Variants in AGBL4 observed in about 807,000 individuals in gnomAD.
AGBL4 encodes cytosolic carboxypeptidase 6.
In AGBL4, 58 loss-of-function variants were observed where a neutral mutation model predicts 66.4. The ratio of observed to expected loss-of-function variants is 0.87; its 90% confidence interval spans 0.71 to 1.09. The LOEUF (loss-of-function observed/expected upper bound fraction) is 1.09. Among genes scored for constraint, AGBL4 ranks in the 50% least tolerant of loss-of-function variants. The pLI is 0.00. For missense variants in AGBL4, 579 were observed against 631.0 expected (o/e 0.92, Z 0.88); for synonymous variants, 234 against 222.9 (o/e 1.05, Z -0.44).
chr1:49,247,589 T>G (rs1287814369), intron 3 of AGBL4, among the ~76,000 whole-genome samples: 3 of 152,124 alleles, frequency 2.0e-5, no homozygotes, highest in Non-Finnish European at 2.9e-5. Context: ...CCCCCCCTTT[T>G]TTTTCTGAGA....
chr1:48,838,965 C>A (rs1270260317), intron 6 of AGBL4, among the ~76,000 whole-genome samples: 2 of 151,912 alleles, frequency 1.3e-5, no homozygotes, highest in African/African-American at 2.4e-5. Flanking sequence ...CAAATCAAAG[C>A]CACAATGAGG....
Position 48,882,556 on chromosome 1 carries a change from C to T in AGBL4, c.595-15326G>A, listed in dbSNP as rs770165522. ...AAGAATATATCTTGAATGTCCTTACCACAAAAAAAGTAAGTATGTGAGAGA... is the reference window on the plus strand; with the variant it reads ...AAGAATATATCTTGAATGTCCTTACTACAAAAAAAGTAAGTATGTGAGAGA... On this transcript the variant is annotated intron_variant, in intron 5 of 13. Transcript: ENST00000371839. Among the ~76,000 whole-genome samples, 4 of 151,878 alleles carry T rather than the reference C, an allele frequency of 2.6e-5. No homozygotes were observed. The South Asian group carries it at 8.3e-4, about 32-fold the overall frequency.
chr1:50,014,366 C>T (rs1311768957), intron 1 of AGBL4, among the ~76,000 whole-genome samples: 2 of 145,004 alleles, frequency 1.4e-5, no homozygotes, highest in Non-Finnish European at 3.0e-5. Context: ...GACTTTGTCT[C>T]GAAAAAAAAA....
chr1:49,192,161 G>A (rs1255651386), intron 4 of AGBL4, among the ~76,000 whole-genome samples: 2 of 152,182 alleles, frequency 1.3e-5, no homozygotes, highest in Non-Finnish European at 2.9e-5. Context: ...TAATTGGGAT[G>A]AGATGGTATC....
intron 3 of AGBL4, among the ~76,000 whole-genome samples, chr1:49,667,941 G>A (rs755438075): frequency 1.4e-4 from 21 of 152,106 alleles, no homozygotes; most frequent in Non-Finnish European, 2.6e-4. Flanking sequence ...CTGATCATCA[G>A]TTTCTTTATG....
intron 3 of AGBL4, among the ~76,000 whole-genome samples, chr1:49,460,073 T>C (rs778099306): frequency 4.0e-5 from 6 of 151,734 alleles, no homozygotes; most frequent in East Asian, 1.9e-4. Flanking sequence ...TGCTGATTAA[T>C]AGAATGTGTA....
Position 49,196,707 on chromosome 1 carries a change from G to C in AGBL4, c.377+49063C>G, listed in dbSNP as rs967560838. 5.3e-5 allele frequency among the ~76,000 whole-genome samples: 8 copies of C among 150,320 alleles called. No individual in the cohort carries two copies. In the South Asian group the frequency reaches 8.4e-4, roughly 16 times the overall value. Reference sequence around the variant, plus strand: ...TAACTGAAGAAATCATAACTATATAGCTTCTTATTTTTGAATTTACTTTTG... The same window carrying C: ...TAACTGAAGAAATCATAACTATATACCTTCTTATTTTTGAATTTACTTTTG... On this transcript the variant is annotated intron_variant, in intron 4 of 13. Coordinates refer to ENST00000371839, the MANE Select transcript of AGBL4 (RefSeq NM_032785.4).
intron 4 of AGBL4, among the ~76,000 whole-genome samples, chr1:49,139,275 C>A (rs1306413461): frequency 2.6e-5 from 4 of 152,138 alleles, no homozygotes; most frequent in Non-Finnish European, 5.9e-5. Context: ...ATAATTCAGG[C>A]AAACCTCACA....
At chr1:49,788,655 G>A (rs887703990) in intron 2 of AGBL4, among the ~76,000 whole-genome samples, 1 of 152,036 alleles carries the variant, frequency 6.6e-6, no homozygotes, top group Non-Finnish European at 1.5e-5. Context: ...GAAATGGGCT[G>A]AAAAACAGAT....
At chr1:48,851,858 C>G (rs769129434) in intron 6 of AGBL4, among the ~76,000 whole-genome samples, 2 of 151,636 alleles carry the variant, frequency 1.3e-5, no homozygotes, top group Admixed American at 6.6e-5. Flanking sequence ...AAACATAGAG[C>G]CTATTGGCAT....
intron 4 of AGBL4, among the ~76,000 whole-genome samples, chr1:49,183,094 A>G (rs1646956938): frequency 6.6e-6 from 1 of 152,164 alleles, no homozygotes; most frequent in African/African-American, 2.4e-5. Flanking sequence ...AATCAAATGT[A>G]GTGAGTGATT....
intron 3 of AGBL4, among the ~76,000 whole-genome samples, chr1:49,447,607 T>C (rs928608919): frequency 3.3e-5 from 5 of 152,172 alleles, no homozygotes; most frequent in Non-Finnish European, 7.3e-5. Context: ...TGCAATGCTC[T>C]TGAGGAGTCT....
intron 6 of AGBL4, among the ~76,000 whole-genome samples, chr1:48,810,029 T>C (rs1258830808): frequency 6.6e-6 from 1 of 152,184 alleles, no homozygotes; most frequent in Non-Finnish European, 1.5e-5. Context: ...CTTCAAAATT[T>C]TGTGGTGTGA....
chr1:49,905,302 T>C (rs1650165790), intron 1 of AGBL4, among the ~76,000 whole-genome samples: 1 of 152,146 alleles, frequency 6.6e-6, no homozygotes, highest in South Asian at 2.1e-4. Flanking sequence ...AGATCATAAA[T>C]ACATTTCATC....
intron 3 of AGBL4, among the ~76,000 whole-genome samples, chr1:49,534,973 C>T (rs1384699054): frequency 6.6e-6 from 1 of 152,178 alleles, no homozygotes; most frequent in East Asian, 1.9e-4. Context: ...ATCACCCCTC[C>T]CCTAGCCCCA....
intron 4 of AGBL4, among the ~76,000 whole-genome samples, chr1:49,090,560 C>A (rs1187963055): frequency 6.6e-6 from 1 of 152,056 alleles, no homozygotes; most frequent in Non-Finnish European, 1.5e-5. Flanking sequence ...ATGAGAATTA[C>A]AAAACACTGC....
intron 5 of AGBL4, among the ~76,000 whole-genome samples, chr1:48,896,101 A>G (rs1651480857): frequency 6.6e-6 from 1 of 152,176 alleles, no homozygotes; most frequent in Non-Finnish European, 1.5e-5. Context: ...AAGGATATAA[A>G]AGTGCTTTGA....
chr1:49,804,532 A>T (rs1644934439), intron 2 of AGBL4, among the ~76,000 whole-genome samples: 1 of 152,186 alleles, frequency 6.6e-6, no homozygotes, highest in South Asian at 2.1e-4. Flanking sequence ...TTCACACTAT[A>T]CTGGCTCAGG....
At position 49,330,397 on chromosome 1, in the gene AGBL4, T is replaced by A. The variant is rs114471308; in HGVS notation, c.283-84533A>T. ...GCGCTCCACTCTGCACAAGTCTGGGTGACAGAGCGAGACTGTGTCTCAAAA... is the reference window on the plus strand; with the variant it reads ...GCGCTCCACTCTGCACAAGTCTGGGAGACAGAGCGAGACTGTGTCTCAAAA... On this transcript the variant is annotated intron_variant, in intron 3 of 13. Coordinates refer to ENST00000371839, the MANE Select transcript of AGBL4 (RefSeq NM_032785.4). 5.3e-3 allele frequency among the ~76,000 whole-genome samples: 810 copies of A among 152,308 alleles called. 3 individuals carry two copies. The highest frequency in any genetic ancestry group is 0.017 in the Middle Eastern group (5 of 294).
Sources: allele counts gnomAD v4.1 joint callset (sites outside exome capture counted in the v4.1 genomes callset), GRCh38; gene constraint gnomAD v4.1.1; transcripts MANE v1.5; gene names NCBI Gene and HGNC (gene_info 2026-07-23, HGNC 2026-07-21).